GADL1: variants seen among roughly 807,000 people sequenced by gnomAD.
The protein encoded by GADL1 is acidic amino acid decarboxylase GADL1.
Under a neutral mutation model 69.5 loss-of-function variants are expected in GADL1, and 71 were observed. The observed-to-expected ratio is 1.02, with a 90% CI of 0.84 to 1.25. GADL1 has a LOEUF of 1.25. Among genes scored for constraint, GADL1 ranks in the 50% most tolerant of loss-of-function variants. The pLI, the probability that GADL1 is intolerant of heterozygous loss-of-function variation, is 0.00. For synonymous variants in GADL1, 254 were observed against 214.4 expected (o/e 1.18, Z -1.62); for missense variants, 737 against 631.8 (o/e 1.17, Z -1.79).
In GADL1 at chr3:30,728,381, T is replaced by G; in HGVS notation, c.1427A>C (p.Lys476Thr). ...CTGGTAGCCCAGCATCAAGCTTCCC[T>G]TCTTCATCATCCTCTCCTTAATGGC... ...APAIKERMMK[K>T]GSLMLGYQPH... Residue 476 changes from lysine (K) to threonine (T), a missense_variant, in exon 15 of 15, where the codon AAG (lysine) becomes ACG (threonine). Physicochemically the swap from Lys to Thr is moderately conservative, Grantham distance 78 (BLOSUM62 -1). Coordinates refer to ENST00000282538, the MANE Select transcript of GADL1 (RefSeq NM_207359.3). 6.2e-7 allele frequency: 1 copy of G among 1,613,786 alleles called. No individual in the cohort carries two copies. The highest frequency in any genetic ancestry group is 8.5e-7 in the Non-Finnish European group (1 of 1,179,814).
intron 14 of GADL1, among the ~76,000 whole-genome samples, chr3:30,766,541 C>A (rs972776397): frequency 6.8e-6 from 1 of 146,000 alleles, no homozygotes; most frequent in Admixed American, 7.0e-5. Context: ...AAATCCATAA[C>A]ATATCATTAC....
chr3:30,851,454 GTT>G (rs1226703381), intron 4 of GADL1, among the ~76,000 whole-genome samples: 2 of 152,162 alleles, frequency 1.3e-5, no homozygotes, highest in African/African-American at 4.8e-5. Flanking sequence ...AATGAGGAGT[GTT>G]TTGTGAGACA....
At chr3:30,834,032 T>C (rs1422378596) in intron 10 of GADL1, 98 bp from the exon 11 acceptor site, 5 of 940,218 alleles carry the variant, frequency 5.3e-6, no homozygotes, top group Admixed American at 1.9e-5. Context: ...TCAGTACTCA[T>C]ACATAGTTTA....
chr3:30,877,088 C>G (rs1236062906), intron 1 of GADL1, among the ~76,000 whole-genome samples: 14 of 151,914 alleles, frequency 9.2e-5, no homozygotes, highest in Non-Finnish European at 7.4e-5. Flanking sequence ...ATATTCATAG[C>G]ACCCTAGAAG....
intron 11 of GADL1, among the ~76,000 whole-genome samples, chr3:30,828,490 C>CG (rs1697724407): frequency 9.5e-6 from 1 of 105,162 alleles, no homozygotes; most frequent in South Asian, 2.9e-4. Flanking sequence ...GGGGGGGGTG[C>CG]GGGGGAGGGT....
At chr3:30,829,005 A>C (rs1697740571) in intron 11 of GADL1, among the ~76,000 whole-genome samples, 1 of 151,918 alleles carries the variant, frequency 6.6e-6, no homozygotes, top group Non-Finnish European at 1.5e-5. Flanking sequence ...TAAACTAAAA[A>C]ATCTGTCTCA....
intron 14 of GADL1, among the ~76,000 whole-genome samples, chr3:30,758,674 C>G (rs1295658195): frequency 6.6e-6 from 1 of 152,172 alleles, no homozygotes; most frequent in Non-Finnish European, 1.5e-5. Flanking sequence ...AAAACTATTC[C>G]TGGATTCTTA....
Position 30,839,003 on chromosome 3 carries a change from A to AT in GADL1, c.896dup (p.His299GlnfsTer27). On this transcript the variant is annotated frameshift_variant, in exon 9 of 15. Transcript: ENST00000282538. LOFTEE classifies it high-confidence loss of function. ...TACACATAAATGAACTTACATCTACATGAAGCCAGAGGCTGTGCCTCTCGC... is the reference window on the plus strand; with the variant it reads ...TACACATAAATGAACTTACATCTACATTGAAGCCAGAGGCTGTGCCTCTCGC... 1.3e-6 allele frequency: 2 copies of AT among 1,579,586 alleles called. No individual in the cohort carries two copies. The highest frequency in any genetic ancestry group is 1.7e-6 in the Non-Finnish European group (2 of 1,157,168).
At chr3:30,820,219 T>C (rs1051162008) in intron 11 of GADL1, among the ~76,000 whole-genome samples, 5 of 152,000 alleles carry the variant, frequency 3.3e-5, no homozygotes, top group African/African-American at 1.2e-4. Flanking sequence ...AGAATTACCT[T>C]ATTTGATAAT....
chr3:30,760,237 C>T (rs919539249), intron 14 of GADL1, among the ~76,000 whole-genome samples: 1 of 152,202 alleles, frequency 6.6e-6, no homozygotes, highest in Non-Finnish European at 1.5e-5. Flanking sequence ...CGAGGTTCAT[C>T]TCCTTCGTTT....
intron 12 of GADL1, among the ~76,000 whole-genome samples, chr3:30,790,027 A>G (rs1214317404): frequency 3.3e-5 from 5 of 152,216 alleles, no homozygotes; most frequent in Non-Finnish European, 5.9e-5. Context: ...TAACTTGGCT[A>G]TTTGGCAAAA....
At chr3:30,867,439 T>TATATATATATATATATATATAC (rs1319135425) in intron 1 of GADL1, among the ~76,000 whole-genome samples, 2,909 of 138,434 alleles carry the variant, frequency 0.021, 76 homozygotes, top group East Asian at 0.053. Context: ...TATATATATA[T>TATATATATATATATATATATAC]ACACATATAT....
At chr3:30,776,820 C>G (rs1696551417) in intron 14 of GADL1, among the ~76,000 whole-genome samples, 1 of 152,190 alleles carries the variant, frequency 6.6e-6, no homozygotes. Context: ...CTCTTCTCAC[C>G]TCCCATCACT....
At chr3:30,764,515 G>A (rs183857888) in intron 14 of GADL1, among the ~76,000 whole-genome samples, 43 of 152,078 alleles carry the variant, frequency 2.8e-4, no homozygotes, top group African/African-American at 6.3e-4. Flanking sequence ...CAACTCTTTC[G>A]TACTACTTGG....
chr3:30,842,372 A>T (rs1302460429), intron 8 of GADL1, among the ~76,000 whole-genome samples: 2 of 152,142 alleles, frequency 1.3e-5, no homozygotes, highest in Non-Finnish European at 2.9e-5. Context: ...TGGTGGTATG[A>T]GGGTATGTGG....
chr3:30,781,515 T>G (rs1696665033), intron 13 of GADL1, among the ~76,000 whole-genome samples: 2 of 151,544 alleles, frequency 1.3e-5, no homozygotes, highest in Admixed American at 6.6e-5. Flanking sequence ...AAATATAGAG[T>G]GAAGGAAAAG....
At chr3:30,874,256 G>T (rs886785376) in intron 1 of GADL1, among the ~76,000 whole-genome samples, 1 of 151,964 alleles carries the variant, frequency 6.6e-6, no homozygotes, top group Non-Finnish European at 1.5e-5. Context: ...AGTCATCACA[G>T]TAACACAAAC....
intron 13 of GADL1, among the ~76,000 whole-genome samples, chr3:30,782,220 T>C (rs770992202): frequency 1.3e-5 from 2 of 152,106 alleles, no homozygotes; most frequent in Non-Finnish European, 2.9e-5. Context: ...CTATAGGAAA[T>C]AGATCTCATC....
intron 12 of GADL1, chr3:30,800,583 T>C: frequency 5.6e-6 from 2 of 359,034 alleles, no homozygotes; most frequent in Non-Finnish European, 1.0e-5. Context: ...CTGATTGATC[T>C]TGGACTCTAT....
Sources: gnomAD v4.1 joint callset for allele counts (sites outside exome capture counted in the v4.1 genomes callset) on GRCh38, gnomAD v4.1.1 for gene constraint, MANE v1.5 for transcripts, NCBI Gene and HGNC (gene_info 2026-07-23, HGNC 2026-07-21) for gene names.